The following STPG2 variants were observed in gnomAD, a reference collection of about 807,000 sequenced individuals.
STPG2 encodes the protein sperm tail PG-rich repeat containing 2, also known as sperm-tail PG-rich repeat-containing protein 2.
STPG2 carries 56 observed loss-of-function variants against 54.2 expected under a neutral mutation model. The observed-to-expected ratio is 1.03, with a 90% CI of 0.83 to 1.29. STPG2 has a LOEUF of 1.29. Among genes scored for constraint, STPG2 ranks in the 50% most tolerant of loss-of-function variants. STPG2 has a pLI of 0.00. For missense variants in STPG2, 596 were observed against 544.9 expected (o/e 1.09, Z -0.93); for synonymous variants, 200 against 181.8 (o/e 1.10, Z -0.81).
chr4:97,936,859 G>A (rs1732762399), intron 8 of STPG2, among the ~76,000 whole-genome samples: 1 of 151,976 alleles, frequency 6.6e-6, no homozygotes, highest in African/African-American at 2.4e-5. Flanking sequence ...ATGTGTCTTG[G>A]GGTTGATCTA....
In STPG2 at chr4:97,947,294, A is replaced by T. The variant is rs185909875; in HGVS notation, c.934-3287T>A. ...ATCTTATCTCTAGGCTTATCCAGTC[A>T]ACACTTTTGAGAAATCTCTAGGGTT... On this transcript the variant is annotated intron_variant, in intron 7 of 10. Transcript: ENST00000295268. Among the ~76,000 whole-genome samples the T allele has an allele frequency of 3.1e-3, 475 of 152,146 alleles. 6 individuals are homozygous for T. Among genetic ancestry groups the T allele is most frequent in the Non-Finnish European group, 2.4e-3 (162 of 67,906 alleles).
intron 3 of STPG2, among the ~76,000 whole-genome samples, chr4:98,115,453 T>A (rs1739491114): frequency 6.6e-6 from 1 of 151,986 alleles, no homozygotes; most frequent in South Asian, 2.1e-4. Flanking sequence ...AATAACTTTT[T>A]TGTAGAATTT....
At chr4:97,710,064 G>C (rs908551946) in intron 10 of STPG2, among the ~76,000 whole-genome samples, 1 of 151,882 alleles carries the variant, frequency 6.6e-6, no homozygotes, top group Non-Finnish European at 1.5e-5. Flanking sequence ...AGAGTTCTCA[G>C]TTGAAATTAT....
chr4:97,666,095 C>G (rs1351305979), intron 10 of STPG2, among the ~76,000 whole-genome samples: 1 of 152,098 alleles, frequency 6.6e-6, no homozygotes, highest in East Asian at 1.9e-4. Flanking sequence ...TGCTTGCTCC[C>G]AGCCCCCAAG....
At chr4:97,685,605 A>G (rs1388053603) in intron 10 of STPG2, among the ~76,000 whole-genome samples, 2 of 152,212 alleles carry the variant, frequency 1.3e-5, no homozygotes, top group Admixed American at 1.3e-4. Flanking sequence ...ACTAGTAGGT[A>G]TGATACTGTA....
chr4:97,742,519 C>CTGTGTGTGTGTG (rs150619013), intron 9 of STPG2, among the ~76,000 whole-genome samples: 3 of 125,110 alleles, frequency 2.4e-5, no homozygotes, highest in African/African-American at 5.9e-5. Flanking sequence ...AATGAATAAA[C>CTGTGTGTGTGTG]TGTGTGTGTG....
intron 9 of STPG2, among the ~76,000 whole-genome samples, chr4:97,761,696 G>A (rs965593730): frequency 2.0e-5 from 3 of 152,164 alleles, no homozygotes; most frequent in Non-Finnish European, 4.4e-5. Context: ...TGGGAGAAGT[G>A]ATAAAAATAG....
intron 3 of STPG2, among the ~76,000 whole-genome samples, chr4:98,116,902 A>C (rs1030543890): frequency 8.6e-5 from 13 of 152,024 alleles, no homozygotes; most frequent in African/African-American, 2.7e-4. Context: ...TAGTCTTAAA[A>C]TATCTGCCTA....
chr4:97,635,102 TA>T (rs1721460817), intron 10 of STPG2, among the ~76,000 whole-genome samples: 1 of 151,998 alleles, frequency 6.6e-6, no homozygotes, highest in African/African-American at 2.4e-5. Context: ...AAGGTCGGGT[TA>T]CCCTCAAAGG....
At chr4:97,566,759 A>T (rs1320875048) in intron 10 of STPG2, among the ~76,000 whole-genome samples, 1 of 151,838 alleles carries the variant, frequency 6.6e-6, no homozygotes, top group Non-Finnish European at 1.5e-5. Context: ...GGAAATCATC[A>T]TTCTCAGTAA....
At chr4:97,919,528 G>T (rs971419413) in intron 8 of STPG2, among the ~76,000 whole-genome samples, 1 of 151,496 alleles carries the variant, frequency 6.6e-6, no homozygotes, top group African/African-American at 2.4e-5. Context: ...ACAAAAAAAA[G>T]AAGAGAATGT....
At chr4:97,456,564 A>G (rs1245091294) in intron 4 of STPG2, among the ~76,000 whole-genome samples, 1 of 152,146 alleles carries the variant, frequency 6.6e-6, no homozygotes, top group African/African-American at 2.4e-5. Context: ...AATGTTATAC[A>G]AAATATACAA....
chr4:97,711,742 C>T (rs1724129662), intron 10 of STPG2, among the ~76,000 whole-genome samples: 1 of 150,452 alleles, frequency 6.6e-6, no homozygotes, highest in South Asian at 2.1e-4. Context: ...CAATTTTGGC[C>T]CACTGCAAAC....
Position 97,663,545 on chromosome 4 carries a change from A to G in STPG2, c.1320+49154T>C, listed in dbSNP as rs960890221. Among the ~76,000 whole-genome samples the G allele has an allele frequency of 2.6e-5, 4 of 152,168 alleles. No homozygotes were observed. In the East Asian group the frequency reaches 7.7e-4, roughly 29 times the overall value. ...GCTTCTGAAATTTATTTCTTCTCTA[A>G]CCATTATCAAACCAATCTTTTACAG... On this transcript the variant is annotated intron_variant, in intron 10 of 10. Transcript: ENST00000295268.
At chr4:97,668,534 A>C (rs1435076517) in intron 10 of STPG2, among the ~76,000 whole-genome samples, 1 of 152,052 alleles carries the variant, frequency 6.6e-6, no homozygotes. Flanking sequence ...GACTGTGAGA[A>C]TAGAAAGAAT....
rs183958624 is a variant in STPG2 at position 97,627,923 on chromosome 4, A to G, written c.1321-68806T>C. ...GACTGATGTCTGAGCTCAAGCATTC[A>G]GGCAGACAGTGAATTCCCTATTCCT... On this transcript the variant is annotated intron_variant, in intron 10 of 10. Coordinates refer to ENST00000295268, the MANE Select transcript of STPG2 (RefSeq NM_174952.3). Among the ~76,000 whole-genome samples the G allele has an allele frequency of 1.6e-4, 25 of 152,270 alleles. 2 individuals are homozygous for G. In the East Asian group the frequency reaches 4.8e-3, roughly 29 times the overall value.
intron 5 of STPG2, chr4:98,025,834 T>C: frequency 4.4e-6 from 7 of 1,596,288 alleles, no homozygotes; most frequent in Non-Finnish European, 6.0e-6. Flanking sequence ...ATGCAGGCCT[T>C]GCCAGAACTA....
At chr4:97,898,086 C>T (rs747364321) in intron 8 of STPG2, among the ~76,000 whole-genome samples, 15 of 151,740 alleles carry the variant, frequency 9.9e-5, no homozygotes, top group Admixed American at 3.3e-4. Flanking sequence ...TTGATTATGG[C>T]GTAAGGAAGA....
chr4:98,008,896 C>A (rs2149280706), intron 5 of STPG2, among the ~76,000 whole-genome samples: 1 of 152,138 alleles, frequency 6.6e-6, no homozygotes, highest in South Asian at 2.1e-4. Context: ...AGGAAGCTAT[C>A]AATCTGTTCT....
Sources: allele counts gnomAD v4.1 joint callset (sites outside exome capture counted in the v4.1 genomes callset), GRCh38; gene constraint gnomAD v4.1.1; transcripts MANE v1.5; gene names NCBI Gene and HGNC (gene_info 2026-07-23, HGNC 2026-07-21).